SIPA1L1: variants seen among roughly 807,000 people sequenced by gnomAD.
SIPA1L1 encodes signal induced proliferation associated 1 like 1.
In SIPA1L1, 26 loss-of-function variants were observed where a neutral mutation model predicts 162.7. That is an observed-to-expected ratio of 0.16 (90% CI 0.12 to 0.22). The LOEUF (loss-of-function observed/expected upper bound fraction) is 0.22. Among genes scored for constraint, SIPA1L1 ranks in the 10% least tolerant of loss-of-function variants. The pLI, the probability that SIPA1L1 is intolerant of heterozygous loss-of-function variation, is 1.00. For missense variants in SIPA1L1, 1,874 were observed against 2,241.0 expected, an observed-to-expected ratio of 0.84 and a Z score of 3.31; for synonymous variants, 829 against 837.4, an observed-to-expected ratio of 0.99 and a Z score of 0.17.
At chr14:71,669,164 C>T (rs2044290451) in intron 10 of SIPA1L1, among the ~76,000 whole-genome samples, 2 of 152,178 alleles carry the variant, frequency 1.3e-5, no homozygotes, top group Non-Finnish European at 1.5e-5. Flanking sequence ...GTGCCTGTAT[C>T]ATTTACCTCC....
intron 2 of SIPA1L1, among the ~76,000 whole-genome samples, chr14:71,382,397 T>C (rs1004181016): frequency 6.6e-6 from 1 of 152,218 alleles, no homozygotes; most frequent in Non-Finnish European, 1.5e-5. Context: ...GCAATGAATA[T>C]GATATGGAAA....
At chr14:71,647,167 T>C (rs1011505690) in intron 7 of SIPA1L1, among the ~76,000 whole-genome samples, 1 of 152,134 alleles carries the variant, frequency 6.6e-6, no homozygotes, top group African/African-American at 2.4e-5. Flanking sequence ...GCAAGTGATA[T>C]TTGACACAGT....
chr14:71,429,120 A>AT (rs2043798048), intron 2 of SIPA1L1, among the ~76,000 whole-genome samples: 2 of 152,142 alleles, frequency 1.3e-5, no homozygotes, highest in Admixed American at 6.5e-5. Flanking sequence ...CTGAGATATT[A>AT]TTTTTATTTC....
intron 7 of SIPA1L1, among the ~76,000 whole-genome samples, chr14:71,629,311 A>C (rs2040341353): frequency 6.6e-6 from 1 of 152,216 alleles, no homozygotes; most frequent in South Asian, 2.1e-4. Context: ...TATTTTAATT[A>C]ATCCTCAGAA....
At chr14:71,411,311 G>T (rs1401247542) in intron 2 of SIPA1L1, among the ~76,000 whole-genome samples, 1 of 152,152 alleles carries the variant, frequency 6.6e-6, no homozygotes, top group Non-Finnish European at 1.5e-5. Flanking sequence ...GAAAAAGGGG[G>T]TAGAGGTTAA....
chr14:71,493,501 CAATT>C (rs2049463845), intron 2 of SIPA1L1, among the ~76,000 whole-genome samples: 1 of 152,166 alleles, frequency 6.6e-6, no homozygotes, highest in Admixed American at 6.5e-5. Context: ...TCTAGAGAAA[CAATT>C]AAATTGATTA....
chr14:71,375,271 T>C (rs2039270857), intron 2 of SIPA1L1, among the ~76,000 whole-genome samples: 1 of 152,176 alleles, frequency 6.6e-6, no homozygotes, highest in Admixed American at 6.5e-5. Context: ...ATTTCCTAGA[T>C]TCTGTGTGGT....
chr14:71,363,177 TGCTTAAA>T (rs1261361019), intron 2 of SIPA1L1, among the ~76,000 whole-genome samples: 1 of 152,240 alleles, frequency 6.6e-6, no homozygotes, highest in Non-Finnish European at 1.5e-5. Flanking sequence ...GTTTTCTGTT[TGCTTAAA>T]GCTTAAAGAC....
chr14:71,516,953 A>G (rs1032106328), intron 3 of SIPA1L1, among the ~76,000 whole-genome samples: 1 of 152,202 alleles, frequency 6.6e-6, no homozygotes, highest in Non-Finnish European at 1.5e-5. Flanking sequence ...AGCTGGGGCA[A>G]CAGAACGAGA....
At chr14:71,409,799 T>A (rs1024859002) in intron 2 of SIPA1L1, among the ~76,000 whole-genome samples, 3 of 152,242 alleles carry the variant, frequency 2.0e-5, no homozygotes, top group African/African-American at 7.2e-5. Flanking sequence ...TTATCTGTAG[T>A]GTTCTTGCAA....
intron 2 of SIPA1L1, among the ~76,000 whole-genome samples, chr14:71,376,695 A>G (rs2141103996): frequency 6.6e-6 from 1 of 152,142 alleles, no homozygotes; most frequent in East Asian, 1.9e-4. Context: ...TGGTTTTCCT[A>G]GGCAGAGGAC....
At chr14:71,596,188 A>C (rs1256373489) in intron 5 of SIPA1L1, among the ~76,000 whole-genome samples, 4 of 152,158 alleles carry the variant, frequency 2.6e-5, no homozygotes, top group Non-Finnish European at 5.9e-5. Context: ...AGAGCCTCAG[A>C]CCGTGATGCA....
chr14:71,522,146 T>A (rs2052419960), intron 3 of SIPA1L1, among the ~76,000 whole-genome samples: 1 of 152,324 alleles, frequency 6.6e-6, no homozygotes, highest in East Asian at 1.9e-4. Context: ...TTATTGAAAA[T>A]AATAGTTCTC....
intron 2 of SIPA1L1, among the ~76,000 whole-genome samples, chr14:71,501,849 C>T (rs533916087): frequency 1.4e-4 from 22 of 151,830 alleles, no homozygotes; most frequent in African/African-American, 4.6e-4. Context: ...CAAACCATGG[C>T]GAAACCCCGT....
At chr14:71,346,352 G>T (rs1294846141) in intron 2 of SIPA1L1, among the ~76,000 whole-genome samples, 2 of 152,188 alleles carry the variant, frequency 1.3e-5, no homozygotes, top group Non-Finnish European at 2.9e-5. Context: ...AGAAGGTAGA[G>T]GTGGAAATTT....
intron 4 of SIPA1L1, among the ~76,000 whole-genome samples, chr14:71,537,037 A>T (rs2053965164): frequency 6.6e-6 from 1 of 152,082 alleles, no homozygotes; most frequent in African/African-American, 2.4e-5. Flanking sequence ...AGGGTTGTGC[A>T]TGGGTTGGTT....
rs756835361 is a variant in SIPA1L1 at position 71,733,771 on chromosome 14, T to C, written c.4967T>C (p.Leu1656Ser). The change falls in exon 21 of 24, where the codon TTG becomes TCG. Residue 1656 changes from leucine to serine, a missense_variant. By Grantham distance (145) the Leu-to-Ser change is moderately radical. Around this residue, in one of 5 missense-constraint regions of SIPA1L1, gnomAD observed 936 missense variants for 1,051.9 expected, o/e 0.89. Transcript: ENST00000381232. ...LMPLPDTAAD[L>S]DWSNLVDAAK... ...CCCCTGCCTGACACTGCTGCAGACT[T>C]GGATTGGTCCAACCTGGTAGATGCT... 1 of 1,613,366 alleles carries C rather than the reference T, an allele frequency of 6.2e-7. No individual in the cohort carries two copies. The highest frequency in any genetic ancestry group is 8.5e-7 in the Non-Finnish European group (1 of 1,180,018).
At chr14:71,479,319 A>G (rs996879775) in intron 2 of SIPA1L1, among the ~76,000 whole-genome samples, 2 of 148,432 alleles carry the variant, frequency 1.3e-5, no homozygotes, top group African/African-American at 5.1e-5. Flanking sequence ...CTCTTTTTCC[A>G]TGTGTGTGTG....
chr14:71,722,047 A>C (rs940072042), intron 17 of SIPA1L1, among the ~76,000 whole-genome samples: 3 of 152,212 alleles, frequency 2.0e-5, no homozygotes, highest in East Asian at 1.9e-4. Context: ...ACAGGCCAGC[A>C]GTGAGTTCCA....
Sources: gnomAD v4.1 joint callset for allele counts (sites outside exome capture counted in the v4.1 genomes callset) on GRCh38, gnomAD v4.1.1 for gene constraint, gnomAD v4.1.1 regional missense constraint, MANE v1.5 for transcripts, NCBI Gene and HGNC (gene_info 2026-07-23, HGNC 2026-07-21) for gene names.